PLEK: variants seen among roughly 807,000 people sequenced by gnomAD.
PLEK encodes platelet 47 kDa protein.
A neutral mutation model predicts 43.9 loss-of-function variants in PLEK; 25 were observed. The ratio of observed to expected loss-of-function variants is 0.57; its 90% CI spans 0.41 to 0.79. The LOEUF is 0.79. Ranked by LOEUF, PLEK falls within the 30% of genes least tolerant of loss-of-function variation. PLEK has a pLI of 0.00. For missense variants in PLEK, 396 were observed against 413.3 expected, an observed-to-expected ratio of 0.96 and a Z score of 0.36; for synonymous variants, 152 against 144.4, an observed-to-expected ratio of 1.05 and a Z score of -0.38.
chr2:68,394,220 C>A (rs764380146), intron 8 of PLEK, 44 bp downstream of exon 8: 3 of 1,089,326 alleles, frequency 2.8e-6, no homozygotes, highest in Non-Finnish European at 4.3e-6. Context: ...TGCTCAGACT[C>A]CCCTCCCACA....
intron 1 of PLEK, among the ~76,000 whole-genome samples, chr2:68,371,965 A>C (rs932608507): frequency 2.0e-5 from 3 of 152,164 alleles, no homozygotes; most frequent in Non-Finnish European, 4.4e-5. Flanking sequence ...GCAATCAATT[A>C]TGTTTTATTG....
chr2:68,365,365 G>A lies in PLEK; in HGVS notation c.14G>A (p.Arg5Gln), dbSNP rs770402574. The A allele has an allele frequency of 8.6e-5, 139 of 1,613,718 alleles. No homozygotes were observed. Among genetic ancestry groups the A allele is most frequent in the Non-Finnish European group, 1.1e-4 (132 of 1,179,764 alleles). The change falls in exon 1 of 9, where the codon CGG (arginine) becomes CAG (glutamine). Residue 5 changes from arginine to glutamine, a missense_variant. By Grantham distance (43) the Arg-to-Gln change is conservative. Coordinates refer to ENST00000234313, the MANE Select transcript of PLEK (RefSeq NM_002664.3). ...TGTCCAGCCAGCATGGAACCAAAGC[G>A]GATCAGAGAGGGCTACCTTGTGAAG... MEPK[R>Q]IREGYLVKKG...
At chr2:68,389,708 A>AT (rs1313148902) in intron 6 of PLEK, among the ~76,000 whole-genome samples, 2 of 152,164 alleles carry the variant, frequency 1.3e-5, no homozygotes, top group Non-Finnish European at 2.9e-5. Context: ...CTATTATAGT[A>AT]TTTTTTTATG....
chr2:68,392,973 A>G (rs924270154), intron 6 of PLEK, among the ~76,000 whole-genome samples, 189 bp from the exon 7 acceptor site: 1 of 152,220 alleles, frequency 6.6e-6, no homozygotes, highest in Admixed American at 6.5e-5. Context: ...AATAACATCC[A>G]TATTATTTAT....
chr2:68,393,460 G>A (rs1166834332), intron 7 of PLEK, among the ~76,000 whole-genome samples: 1 of 152,022 alleles, frequency 6.6e-6, no homozygotes, highest in Non-Finnish European at 1.5e-5. Flanking sequence ...CTTAGGGATG[G>A]AACAAAATAT....
In PLEK at chr2:68,386,559, G is replaced by T; in HGVS notation, c.530G>T (p.Gly177Val). The T allele has an allele frequency of 6.2e-7, 1 of 1,613,636 alleles. No individual in the cohort carries two copies. Among genetic ancestry groups the T allele is most frequent in the South Asian group, 1.1e-5 (1 of 91,070 alleles). ...CAGTCTGTTAGGAATCGCCAGGAAG[G>T]CCTCATGATTGCTTCATCGCTGCTC... ...SNQSVRNRQEGLMIASSLLNE... is the reference protein window; with the variant it reads ...SNQSVRNRQEVLMIASSLLNE... The change falls in exon 5 of 9, where the codon GGC (glycine) becomes GTC (valine). Residue 177 changes from glycine (G) to valine (V), a missense_variant. Transcript: ENST00000234313.
At position 68,380,731 on chromosome 2, in the gene PLEK, T is replaced by C. The variant is rs759808204; in HGVS notation, c.207T>C (p.Phe69=). ...TGTGTTTTGATTTTCAGTTTGTGTT[T>C]AAGATCACTACGACCAAACAGCAGG... ...CQDFGKRMFV[F]KITTTKQQDH... The change falls in exon 3 of 9, where the codon TTT becomes TTC. Residue 69 remains phenylalanine (F), a synonymous_variant. Transcript: ENST00000234313. 6 of 1,613,144 alleles carry C rather than the reference T, an allele frequency of 3.7e-6. No individual in the cohort carries two copies. The highest frequency in any genetic ancestry group is 8.5e-7 in the Non-Finnish European group (1 of 1,179,706).
chr2:68,384,311 C>T (rs774366361), intron 4 of PLEK, among the ~76,000 whole-genome samples: 7 of 151,986 alleles, frequency 4.6e-5, no homozygotes, highest in South Asian at 4.2e-4. Flanking sequence ...CAACCTCTGC[C>T]GCCCGGGTTC....
At chr2:68,372,995 C>CT (rs141732432) in intron 1 of PLEK, among the ~76,000 whole-genome samples, 17,809 of 151,998 alleles carry the variant, frequency 0.12, 1,360 homozygotes, top group African/African-American at 0.22. Context: ...TGGGCCTCCA[C>CT]TTTTTTTTAT....
At chr2:68,365,867 C>CGTA (rs1157239851) in intron 1 of PLEK, among the ~76,000 whole-genome samples, 2 of 151,938 alleles carry the variant, frequency 1.3e-5, no homozygotes, top group African/African-American at 4.8e-5. Flanking sequence ...TTTCTTGGGC[C>CGTA]ATCTTCTTGG....
intron 1 of PLEK, among the ~76,000 whole-genome samples, chr2:68,373,882 G>A (rs966843421): frequency 4.3e-4 from 66 of 151,906 alleles, no homozygotes; most frequent in Non-Finnish European, 2.2e-4. Flanking sequence ...AAATAGATTT[G>A]TCTATGTATT....
In PLEK at chr2:68,396,774, A is replaced by G. The variant is rs578038975; in HGVS notation, c.*958A>G. 18 of 152,326 alleles carry G rather than the reference A, an allele frequency of 1.2e-4. No homozygotes were observed. Among genetic ancestry groups the G allele is most frequent in the African/African-American group, 3.9e-4 (16 of 41,550 alleles). The allele number at this position is 152,326 out of a possible 1,614,324, so 9.4% of individuals were successfully genotyped here. A position where few individuals can be genotyped will look rare whatever the true frequency, so the allele number is the denominator to read the frequency against. ...GAGAGGCCTGGGCAACTGCCTGGTG[A>G]ATGTGTCTTGCGGCAGCTGCAGCAA... On this transcript the variant is annotated 3_prime_UTR_variant, in exon 9 of 9. Transcript: ENST00000234313.
intron 6 of PLEK, among the ~76,000 whole-genome samples, chr2:68,390,161 A>T (rs1423600085): frequency 6.6e-6 from 1 of 152,214 alleles, no homozygotes; most frequent in Non-Finnish European, 1.5e-5. Context: ...TTTGAAGACA[A>T]TAGGGACAAG....
intron 1 of PLEK, among the ~76,000 whole-genome samples, chr2:68,373,786 G>A (rs2103762160): frequency 6.6e-6 from 1 of 152,126 alleles, no homozygotes; most frequent in Non-Finnish European, 1.5e-5. Context: ...AGGGATTCTG[G>A]CAATCATCTA....
At chr2:68,385,748 C>T (rs971881619) in intron 4 of PLEK, among the ~76,000 whole-genome samples, 1 of 152,210 alleles carries the variant, frequency 6.6e-6, no homozygotes, top group Non-Finnish European at 1.5e-5. Context: ...GTGTCACTTC[C>T]TCTATGAATC....
chr2:68,376,640 G>A (rs897540256), intron 1 of PLEK, among the ~76,000 whole-genome samples: 1 of 151,700 alleles, frequency 6.6e-6, no homozygotes, highest in Non-Finnish European at 1.5e-5. Context: ...AAATTTTTGT[G>A]GGTGCATAGT....
chr2:68,381,674 TGA>T (rs1673620768), intron 3 of PLEK, among the ~76,000 whole-genome samples: 2 of 152,282 alleles, frequency 1.3e-5, no homozygotes, highest in South Asian at 2.1e-4. Context: ...GGAGAAGCAC[TGA>T]GAGGAGCCTA....
At chr2:68,390,246 G>A (rs1192157222) in intron 6 of PLEK, among the ~76,000 whole-genome samples, 4 of 152,286 alleles carry the variant, frequency 2.6e-5, no homozygotes, top group East Asian at 1.9e-4. Context: ...TAGCTAGCTC[G>A]GTTGGTGCAC....
chr2:68,381,133 CAGAG>C (rs10538878), intron 3 of PLEK, among the ~76,000 whole-genome samples: 7,737 of 148,714 alleles, frequency 0.052, 262 homozygotes, highest in African/African-American at 0.1. Flanking sequence ...TACTGGGTAC[CAGAG>C]AGAGAGAGAG....
Sources: allele counts gnomAD v4.1 joint callset (sites outside exome capture counted in the v4.1 genomes callset), GRCh38; gene constraint gnomAD v4.1.1; transcripts MANE v1.5; gene names NCBI Gene and HGNC (gene_info 2026-07-23, HGNC 2026-07-21).